Variants in DOCK4 observed in about 807,000 individuals in gnomAD.
DOCK4 encodes the protein dedicator of cytokinesis protein 4.
Under a neutral mutation model 268.1 loss-of-function variants are expected in DOCK4, and 97 were observed. The observed-to-expected ratio is 0.36, with a 90% confidence interval of 0.31 to 0.43. The LOEUF (loss-of-function observed/expected upper bound fraction) is 0.43, where lower values mean the gene tolerates loss of function less well. DOCK4 is among the 20% of genes least tolerant of loss of function. The pLI is 1.00. For synonymous variants in DOCK4, 954 were observed against 887.2 expected, an observed-to-expected ratio of 1.08 and a Z score of -1.34; for missense variants, 2,145 against 2,455.7, an observed-to-expected ratio of 0.87 and a Z score of 2.67.
intron 12 of DOCK4, among the ~76,000 whole-genome samples, chr7:111,920,554 A>C (rs1267985405): frequency 6.6e-6 from 1 of 152,118 alleles, no homozygotes; most frequent in Non-Finnish European, 1.5e-5. Flanking sequence ...TTTCTTTCTT[A>C]TCATCCTACT....
intron 1 of DOCK4, among the ~76,000 whole-genome samples, chr7:112,193,943 C>A (rs1820192141): frequency 6.6e-6 from 1 of 151,976 alleles, no homozygotes; most frequent in African/African-American, 2.4e-5. Flanking sequence ...CTCATGCTAC[C>A]TATGAAGAGA....
At position 111,760,436 on chromosome 7, in the gene DOCK4, T is replaced by C; in HGVS notation, c.4021-114A>G. The C allele has an allele frequency of 5.5e-6, 6 of 1,091,572 alleles. 1 individual carries two copies. In the South Asian group the frequency reaches 8.0e-5, roughly 15 times the overall value. 67.6% of individuals were successfully genotyped at this position (1,091,572 alleles called of 1,614,324 possible). A position where few individuals can be genotyped will look rare whatever the true frequency, so the allele number is the denominator to read the frequency against. On this transcript the variant is annotated intron_variant, in intron 39 of 52. Transcript: ENST00000428084. Reference sequence around the variant, plus strand: ...CCACATGCCCCATACCAAGACACTATAACAAAAATTACGCTGGAACAATCT... The same window carrying C: ...CCACATGCCCCATACCAAGACACTACAACAAAAATTACGCTGGAACAATCT...
At chr7:111,965,187 T>G (rs1382847206) in intron 8 of DOCK4, among the ~76,000 whole-genome samples, 1 of 63,928 alleles carries the variant, frequency 1.6e-5, no homozygotes, top group Non-Finnish European at 2.6e-5. Flanking sequence ...AATGACAGGA[T>G]CAAATTCACA....
chr7:111,785,856 T>C (rs1799129042), intron 32 of DOCK4, among the ~76,000 whole-genome samples: 1 of 152,272 alleles, frequency 6.6e-6, no homozygotes, highest in East Asian at 1.9e-4. Context: ...TTCTATGCAA[T>C]AGAAATTCCT....
intron 1 of DOCK4, among the ~76,000 whole-genome samples, chr7:112,117,417 C>T (rs181335423): frequency 7.9e-5 from 12 of 152,260 alleles, no homozygotes; most frequent in Admixed American, 3.3e-4. Flanking sequence ...GTTGCCTAGG[C>T]TGGGGTGCAG....
At chr7:111,945,098 C>T (rs1288304819) in intron 9 of DOCK4, among the ~76,000 whole-genome samples, 3 of 152,218 alleles carry the variant, frequency 2.0e-5, no homozygotes, top group Non-Finnish European at 1.5e-5. Flanking sequence ...ACTGTTGATT[C>T]AATCTCTCAC....
At chr7:112,143,894 G>C (rs935382139) in intron 1 of DOCK4, among the ~76,000 whole-genome samples, 1 of 152,134 alleles carries the variant, frequency 6.6e-6, no homozygotes, top group Non-Finnish European at 1.5e-5. Context: ...TTTTGATTCG[G>C]ATCATCTGTA....
chr7:111,811,880 A>G lies in DOCK4; in HGVS notation c.3000T>C (p.Asp1000=), dbSNP rs1371814520. 3.3e-6 allele frequency: 5 copies of G among 1,510,956 alleles called. No individual in the cohort carries two copies. The highest frequency in any genetic ancestry group is 4.5e-6 in the Non-Finnish European group (5 of 1,111,770). 93.6% of individuals were successfully genotyped at this position (1,510,956 alleles called of 1,614,324 possible). ...CATATAAATGAATGCTTACCTTATA[A>G]TCAAAGTTTTCATTTAAGAAGTTCT... ...LRKNFLNENF[D]YKIWDSYFYL... is the part of the protein sequence containing the mutation. The change falls in exon 28 of 53, where the codon GAT becomes GAC. Residue 1000 remains aspartate (D), a synonymous_variant. Coordinates refer to ENST00000428084, the MANE Select transcript of DOCK4 (RefSeq NM_001363540.2).
chr7:112,136,348 C>T (rs1392643230), intron 1 of DOCK4, among the ~76,000 whole-genome samples: 1 of 152,064 alleles, frequency 6.6e-6, no homozygotes, highest in Non-Finnish European at 1.5e-5. Context: ...AATCACTCAG[C>T]CTAACATCAT....
At chr7:111,912,472 C>A (rs1792189733) in intron 13 of DOCK4, among the ~76,000 whole-genome samples, 1 of 151,986 alleles carries the variant, frequency 6.6e-6, no homozygotes, top group African/African-American at 2.4e-5. Context: ...TAATAAAATT[C>A]ATGACTTAAA....
intron 30 of DOCK4, among the ~76,000 whole-genome samples, chr7:111,795,048 A>T (rs1799796343): frequency 6.6e-6 from 1 of 152,126 alleles, no homozygotes; most frequent in Non-Finnish European, 1.5e-5. Context: ...TTCTGATGGG[A>T]GAGTGCAATC....
chr7:111,766,151 C>G (rs1404993417), intron 38 of DOCK4, among the ~76,000 whole-genome samples: 2 of 152,174 alleles, frequency 1.3e-5, no homozygotes, highest in African/African-American at 4.8e-5. Context: ...CAAGCTTTTT[C>G]TCTTTCGTTT....
chr7:111,882,753 C>T (rs1407679630), intron 16 of DOCK4, among the ~76,000 whole-genome samples: 1 of 152,160 alleles, frequency 6.6e-6, no homozygotes, highest in African/African-American at 2.4e-5. Context: ...GCTGGAATTA[C>T]ATGCATGCAC....
chr7:111,857,713 G>A (rs1039387078), intron 23 of DOCK4, among the ~76,000 whole-genome samples: 5 of 152,104 alleles, frequency 3.3e-5, no homozygotes, highest in Non-Finnish European at 5.9e-5. Context: ...CGCGAAGTCC[G>A]GCAGACCCTG....
chr7:111,762,533 C>G (rs66531668), intron 39 of DOCK4, among the ~76,000 whole-genome samples: 34,349 of 151,682 alleles, frequency 0.23, 5,098 homozygotes, highest in South Asian at 0.51. Context: ...TATTTCCTTT[C>G]TTTTTATTGC....
rs576267643 is a variant in DOCK4, at chr7:111,893,994, T to C, written c.1587+1618A>G. Among the ~76,000 whole-genome samples, 357 of 152,086 alleles carry C rather than the reference T, an allele frequency of 2.3e-3. 1 individual carries two copies. Among genetic ancestry groups the C allele is most frequent in the Non-Finnish European group, 3.5e-3 (235 of 67,972 alleles). Reference sequence around the variant, plus strand: ...ATCCCAGCACTTTGGGAGGCTGAGGTGGGCGGATCACGAGGTCAGGAGATA... The same window carrying C: ...ATCCCAGCACTTTGGGAGGCTGAGGCGGGCGGATCACGAGGTCAGGAGATA... On this transcript the variant is annotated intron_variant, in intron 16 of 52. Coordinates refer to ENST00000428084, the MANE Select transcript of DOCK4 (RefSeq NM_001363540.2).
chr7:111,861,311 G>GA (rs142514832), intron 23 of DOCK4, among the ~76,000 whole-genome samples: 2,424 of 147,698 alleles, frequency 0.016, 63 homozygotes, highest in African/African-American at 0.057. Flanking sequence ...TGCTATTTCA[G>GA]AAAAAAAAAT....
rs370184223 is a variant in DOCK4, at chr7:111,732,207, T to C, written c.5481+19A>G. ...AAACTGGGCCAGTCTCTAGCCTCAG[T>C]CGAAAGAAGGGCCTTTACCTTCAAT... is the stretch of plus-strand genomic sequence containing the variant. On this transcript the variant is annotated intron_variant, in intron 52 of 52. Coordinates refer to ENST00000428084, the MANE Select transcript of DOCK4 (RefSeq NM_001363540.2). 16 of 1,613,248 alleles carry C rather than the reference T, an allele frequency of 9.9e-6. No homozygotes were observed. In the African/African-American group the frequency reaches 1.1e-4, roughly 11 times the overall value.
chr7:111,974,209 A>G (rs1330713270), intron 8 of DOCK4, among the ~76,000 whole-genome samples: 2 of 152,186 alleles, frequency 1.3e-5, no homozygotes, highest in Non-Finnish European at 2.9e-5. Flanking sequence ...AGTTTGAACC[A>G]AACTGACTCA....
Sources: allele counts gnomAD v4.1 joint callset (sites outside exome capture counted in the v4.1 genomes callset), GRCh38; gene constraint gnomAD v4.1.1; transcripts MANE v1.5; gene names NCBI Gene and HGNC (gene_info 2026-07-23, HGNC 2026-07-21).